Variants in TBC1D1 observed in about 807,000 individuals in gnomAD.
TBC1D1 encodes the protein TBC1 domain family member 1, also known as TBC1 (tre-2/USP6, BUB2, cdc16) domain family, member 1.
TBC1D1 carries 89 observed loss-of-function variants against 125.6 expected under a neutral mutation model. The observed-to-expected ratio is 0.71, with a 90% CI of 0.60 to 0.85. The LOEUF (loss-of-function observed/expected upper bound fraction) is 0.85, where lower values mean the gene tolerates loss of function less well. Ranked by LOEUF, TBC1D1 falls within the 40% of genes least tolerant of loss-of-function variation. The pLI is 0.00. For missense variants in TBC1D1, 1,377 were observed against 1,469.2 expected (o/e 0.94, Z 1.03); for synonymous variants, 565 against 564.1 (o/e 1.00, Z -0.02).
At chr4:38,029,646 T>C (rs6531603) in intron 7 of TBC1D1, among the ~76,000 whole-genome samples, 114,910 of 152,132 alleles carry the variant, frequency 0.76, 44,494 homozygotes, top group African/African-American at 0.94. Context: ...GGATTACAGC[T>C]GTGAGCCACC....
rs78113666 is a variant in TBC1D1, at chr4:38,069,482, C to T, written c.2050+15144C>T. Among the ~76,000 whole-genome samples, 1,080 of 152,280 alleles carry T rather than the reference C, an allele frequency of 7.1e-3. 17 individuals carry two copies. The highest frequency in any genetic ancestry group is 0.025 in the African/African-American group (1,021 of 41,546). ...GCTTAATCAAAAGGAGGCTTTTAAA[C>T]AGCAAGATAAGGGTAAAGGCTGGGA... On this transcript the variant is annotated intron_variant, in intron 12 of 19. Coordinates refer to ENST00000261439, the MANE Select transcript of TBC1D1 (RefSeq NM_015173.4).
chr4:38,066,102 AC>A (rs1164427255), intron 12 of TBC1D1, among the ~76,000 whole-genome samples: 5 of 152,294 alleles, frequency 3.3e-5, no homozygotes, highest in African/African-American at 1.2e-4. Context: ...TGACAGTTTT[AC>A]GAGTAAATTA....
intron 2 of TBC1D1, among the ~76,000 whole-genome samples, chr4:38,011,485 A>G (rs957398878): frequency 1.1e-4 from 16 of 152,362 alleles, no homozygotes; most frequent in Admixed American, 2.6e-4. Flanking sequence ...TGACTAACTT[A>G]AAGTAATGTT....
At chr4:37,964,873 C>G (rs993676537) in intron 2 of TBC1D1, among the ~76,000 whole-genome samples, 52 of 152,374 alleles carry the variant, frequency 3.4e-4, no homozygotes, top group African/African-American at 1.2e-3. Flanking sequence ...AAAGGCCAAG[C>G]TCCTTCCCTG....
At chr4:38,124,870 C>T (rs903210236) in intron 17 of TBC1D1, 92 bp from the exon 20 acceptor site, 4 of 1,120,550 alleles carry the variant, frequency 3.6e-6, no homozygotes, top group Middle Eastern at 2.6e-4. Context: ...GTCTCCCACA[C>T]TCCTGCTCTG....
At chr4:38,061,911 T>C (rs897439789) in intron 12 of TBC1D1, among the ~76,000 whole-genome samples, 75 of 152,320 alleles carry the variant, frequency 4.9e-4, no homozygotes, top group African/African-American at 1.8e-3. Flanking sequence ...TTCAATAATT[T>C]ACGTACCAGC....
intron 2 of TBC1D1, among the ~76,000 whole-genome samples, chr4:37,969,538 G>T (rs557991414): frequency 6.6e-6 from 1 of 152,292 alleles, no homozygotes; most frequent in Non-Finnish European, 1.5e-5. Context: ...TGGAGATGGG[G>T]TTTCACCACG....
intron 12 of TBC1D1, among the ~76,000 whole-genome samples, chr4:38,075,916 G>A (rs1755517761): frequency 1.3e-5 from 2 of 151,852 alleles, no homozygotes; most frequent in African/African-American, 4.8e-5. Context: ...TTTTCCCTTG[G>A]TCACATGTTT....
rs560652906 is a variant in TBC1D1, at chr4:38,006,761, G to A, written c.418-7748G>A. ...CCCAAAGTGCTGGGATTACAGGCGT[G>A]AGCCACTGCGCCTGGCCCAACACTA... On this transcript the variant is annotated intron_variant, in intron 2 of 19. Transcript: ENST00000261439. The A allele has an allele frequency of 3.7e-4, 167 of 453,698 alleles. 3 individuals are homozygous for A. The highest frequency in any genetic ancestry group is 2.2e-3 in the South Asian group (132 of 59,558). The allele number at this position is 453,698 out of a possible 1,614,324, so 28.1% of individuals were successfully genotyped here.
chr4:37,914,792 T>C lies in TBC1D1; in HGVS notation c.417+12280T>C, dbSNP rs149450730. On this transcript the variant is annotated intron_variant, in intron 2 of 19. Transcript: ENST00000261439. Reference sequence around the variant, plus strand: ...ATATTGCTCAAACATGACAACCTCATTCTTCACCTGGGATCTTTGCATCCG... The same window carrying C: ...ATATTGCTCAAACATGACAACCTCACTCTTCACCTGGGATCTTTGCATCCG... Among the ~76,000 whole-genome samples, 981 of 152,314 alleles carry C rather than the reference T, an allele frequency of 6.4e-3. 9 individuals are homozygous for C. Among genetic ancestry groups the C allele is most frequent in the African/African-American group, 0.023 (936 of 41,560 alleles).
At chr4:38,059,323 T>G (rs1752336276) in intron 12 of TBC1D1, among the ~76,000 whole-genome samples, 1 of 152,230 alleles carries the variant, frequency 6.6e-6, no homozygotes, top group East Asian at 1.9e-4. Flanking sequence ...AGAGGGTCCC[T>G]GCTTCTCAAA....
chr4:38,012,675 T>C (rs957847345), intron 2 of TBC1D1, among the ~76,000 whole-genome samples: 6 of 152,088 alleles, frequency 3.9e-5, no homozygotes, highest in African/African-American at 1.4e-4. Context: ...CCTGTCTTCT[T>C]TTTATAATTG....
intron 2 of TBC1D1, chr4:37,961,222 C>G: frequency 1.4e-6 from 1 of 704,634 alleles, no homozygotes; most frequent in South Asian, 2.0e-5. Flanking sequence ...GGGGATATGT[C>G]AACATGATTT....
chr4:38,006,690 A>G, intron 2 of TBC1D1: 1 of 292,530 alleles, frequency 3.4e-6, no homozygotes, highest in Non-Finnish European at 6.7e-6. Context: ...CATGTTAGCC[A>G]GGATGGGCTC....
chr4:38,105,209 C>T (rs1328454349), intron 15 of TBC1D1, among the ~76,000 whole-genome samples: 1 of 152,182 alleles, frequency 6.6e-6, no homozygotes, highest in African/African-American at 2.4e-5. Context: ...TTCTCATCAT[C>T]ACCGTTATCT....
rs1723699202 is a variant in TBC1D1, at chr4:37,933,372, T to C, written c.417+30860T>C. ...ATATATAAATGCACCTACATATATGTTTATATGTACACACACACACCTGTG... is the reference window on the plus strand; with the variant it reads ...ATATATAAATGCACCTACATATATGCTTATATGTACACACACACACCTGTG... On this transcript the variant is annotated intron_variant, in intron 2 of 19. Coordinates refer to ENST00000261439, the MANE Select transcript of TBC1D1 (RefSeq NM_015173.4). Among the ~76,000 whole-genome samples the C allele has an allele frequency of 1.3e-5, 2 of 151,946 alleles. 1 individual carries two copies. Among genetic ancestry groups the C allele is most frequent in the South Asian group, 4.1e-4 (2 of 4,824 alleles).
intron 10 of TBC1D1, among the ~76,000 whole-genome samples, chr4:38,048,846 A>G (rs781522361): frequency 1.3e-5 from 2 of 152,202 alleles, no homozygotes; most frequent in Non-Finnish European, 2.9e-5. Context: ...AAAAGCGTGC[A>G]TCGTGAAGGC....
chr4:38,033,198 TA>T (rs1393142957), intron 7 of TBC1D1, among the ~76,000 whole-genome samples: 1 of 152,202 alleles, frequency 6.6e-6, no homozygotes, highest in Admixed American at 6.5e-5. Flanking sequence ...ATTAGCCCTT[TA>T]AAATATTTTG....
At chr4:38,073,739 T>C (rs1286447234) in intron 12 of TBC1D1, among the ~76,000 whole-genome samples, 3 of 152,122 alleles carry the variant, frequency 2.0e-5, no homozygotes, top group African/African-American at 4.8e-5. Context: ...TTAAGAGTGT[T>C]GGGGCAGTCA....
Sources: allele counts gnomAD v4.1 joint callset (sites outside exome capture counted in the v4.1 genomes callset), GRCh38; gene constraint gnomAD v4.1.1; transcripts MANE v1.5; gene names NCBI Gene and HGNC (gene_info 2026-07-23, HGNC 2026-07-21).